CYRIB: variants seen among roughly 807,000 people sequenced by gnomAD.
The protein encoded by CYRIB is CYFIP related Rac1 interactor B, also known as CYFIP-related Rac1 interactor B.
Under a neutral mutation model 44.2 loss-of-function variants are expected in CYRIB, and 8 were observed. The observed-to-expected ratio is 0.18, with a 90% CI of 0.11 to 0.33. The LOEUF is 0.33. Among genes scored for constraint, CYRIB ranks in the 10% least tolerant of loss-of-function variants. The probability of loss-of-function intolerance (pLI) is 1.00; values close to 1 mark genes in which losing one functional copy is unlikely to be tolerated. For synonymous variants in CYRIB, 131 were observed against 127.2 expected (o/e 1.03, Z -0.20); for missense variants, 185 against 382.8 (o/e 0.48, Z 4.31).
At chr8:130,016,718 C>T (rs1244033674), upstream of CYRIB, 3 of 149,148 alleles carry the variant, frequency 2.0e-5, no homozygotes, top group African/African-American at 7.3e-5. Flanking sequence ...CGTCAGCGCG[C>T]GCCGCGCCCC....
intron 5 of CYRIB, among the ~76,000 whole-genome samples, chr8:129,858,562 T>C (rs1564182862): frequency 6.6e-6 from 1 of 152,180 alleles, no homozygotes; most frequent in Non-Finnish European, 1.5e-5. Context: ...CTGCCATCTA[T>C]CTACTCTCAA....
At position 129,865,702 on chromosome 8, in the gene CYRIB, T is replaced by C. The variant is rs371674241; in HGVS notation, c.196-3368A>G. On this transcript the variant is annotated intron_variant, in intron 4 of 11. Transcript: ENST00000519824. ...AGTTCACATAAAAGTTCCAATGCCA[T>C]AGCTCTATAGAAATCAATGGATAGT... 1.8e-4 allele frequency among the ~76,000 whole-genome samples: 27 copies of C among 152,362 alleles called. 1 individual carries two copies. The South Asian group carries it at 5.2e-3, about 29-fold the overall frequency.
chr8:129,935,309 T>C (rs1159290303), intron 1 of CYRIB, among the ~76,000 whole-genome samples: 3 of 152,238 alleles, frequency 2.0e-5, no homozygotes, highest in Non-Finnish European at 4.4e-5. Context: ...CCAATCTTTT[T>C]GGGACCAGGA....
chr8:129,950,031 C>T (rs964463348), intron 2 of CYRIB, among the ~76,000 whole-genome samples: 2 of 152,124 alleles, frequency 1.3e-5, no homozygotes, highest in Non-Finnish European at 2.9e-5. Context: ...ACATAGGAAA[C>T]ATAATCAGTA....
chr8:129,841,004 A>G (rs1342364413), exon 12 of CYRIB: 1 of 152,244 alleles, frequency 6.6e-6, no homozygotes, highest in African/African-American at 2.4e-5. Flanking sequence ...TGTTCCAACC[A>G]TGAGATTTAG....
intron 10 of CYRIB, among the ~76,000 whole-genome samples, 198 bp downstream of exon 12, chr8:129,849,045 T>C (rs1417973507): frequency 1.3e-5 from 2 of 152,188 alleles, no homozygotes; most frequent in Non-Finnish European, 2.9e-5. Context: ...ATAGTCATCC[T>C]TTGATCATTC....
rs1384961135 is a variant in CYRIB at position 129,967,387 on chromosome 8, G to GT, written c.-243+3555dup. Reference sequence around the variant, plus strand: ...TTTTGTTTTGTTTTTTTGTTTTTTTGTTTTTTTTTTGAGATGGAGTCTTGC... The same window carrying GT: ...TTTTGTTTTGTTTTTTTGTTTTTTTGTTTTTTTTTTTGAGATGGAGTCTTGC... On this transcript the variant is annotated intron_variant, in intron 2 of 14. Transcript: ENST00000401979. Among the ~76,000 whole-genome samples the GT allele has an allele frequency of 6.1e-3, 874 of 142,202 alleles. 8 individuals are homozygous for GT. The highest frequency in any genetic ancestry group is 0.017 in the African/African-American group (649 of 37,468). 93.3% of individuals were successfully genotyped at this position (142,202 alleles called of 152,430 possible). A position where few individuals can be genotyped will look rare whatever the true frequency, so the allele number is the denominator to read the frequency against.
rs913419950 is a variant in CYRIB at position 129,894,928 on chromosome 8, T to G, written c.-11+8384A>C. ...AGTGTTAGAAATATATATATATATA[T>G]ATTTTTTTAATTAATTTATTTTTTT... is the stretch of plus-strand genomic sequence containing the variant. On this transcript the variant is annotated intron_variant, in intron 2 of 11. Coordinates refer to ENST00000519824, the Ensembl canonical transcript of CYRIB. Among the ~76,000 whole-genome samples the G allele has an allele frequency of 7.5e-5, 11 of 147,250 alleles. No individual in the cohort carries two copies. The East Asian group carries it at 2.2e-3, about 29-fold the overall frequency.
intron 2 of CYRIB, among the ~76,000 whole-genome samples, chr8:129,956,715 C>T (rs2094856972): frequency 6.6e-6 from 1 of 152,066 alleles, no homozygotes; most frequent in Admixed American, 6.6e-5. Context: ...GCCCAGAAGC[C>T]CTGTTTTTCT....
intron 1 of CYRIB, among the ~76,000 whole-genome samples, chr8:129,990,718 C>T (rs113950341): frequency 0.013 from 1,925 of 151,976 alleles, 42 homozygotes; most frequent in African/African-American, 0.045. Context: ...GAGACAGCGT[C>T]TCACTATGTT....
At chr8:129,919,970 T>C (rs1483330816) in intron 1 of CYRIB, among the ~76,000 whole-genome samples, 3 of 152,170 alleles carry the variant, frequency 2.0e-5, no homozygotes, top group Non-Finnish European at 4.4e-5. Flanking sequence ...TCCCGTTTGC[T>C]ATCCATGTTT....
intron 1 of CYRIB, among the ~76,000 whole-genome samples, chr8:129,982,674 A>T (rs1288494513): frequency 2.0e-5 from 3 of 152,240 alleles, no homozygotes; most frequent in South Asian, 4.1e-4. Context: ...ACGTCAAGAA[A>T]CAGGATTTCT....
intron 2 of CYRIB, among the ~76,000 whole-genome samples, chr8:129,961,671 T>C (rs2095264433): frequency 6.6e-6 from 1 of 152,188 alleles, no homozygotes; most frequent in Non-Finnish European, 1.5e-5. Context: ...AGGCAATCAA[T>C]GGAATATTTC....
chr8:129,867,271 GTGC>G (rs1342832487), intron 4 of CYRIB, among the ~76,000 whole-genome samples: 5 of 149,546 alleles, frequency 3.3e-5, no homozygotes. Context: ...TTACAGGCAT[GTGC>G]CACCACACCT....
chr8:129,935,529 G>A (rs1055409055), intron 1 of CYRIB, among the ~76,000 whole-genome samples: 2 of 152,166 alleles, frequency 1.3e-5, no homozygotes, highest in African/African-American at 2.4e-5. Flanking sequence ...CAGACCTCAG[G>A]GAGTAATGCC....
chr8:129,930,321 A>G (rs1590168554), intron 1 of CYRIB, among the ~76,000 whole-genome samples: 1 of 123,788 alleles, frequency 8.1e-6, no homozygotes, highest in Non-Finnish European at 1.7e-5. Context: ...AATTTCACAA[A>G]AAGTTCCACT....
In CYRIB at chr8:129,978,939, C is replaced by G. The variant is rs567255996; in HGVS notation, c.-295-7944G>C. On this transcript the variant is annotated intron_variant, in intron 1 of 14. Transcript: ENST00000401979. Reference sequence around the variant, plus strand: ...TCACTTGAGGCCAGGAATTCGGGACCAGCCTGGCCAACATAGTGAAACCTC... The same window carrying G: ...TCACTTGAGGCCAGGAATTCGGGACGAGCCTGGCCAACATAGTGAAACCTC... Among the ~76,000 whole-genome samples the G allele has an allele frequency of 2.0e-5, 3 of 152,200 alleles. No homozygotes were observed. In the East Asian group the frequency reaches 5.8e-4, roughly 29 times the overall value.
At chr8:129,991,426 A>C (rs750822909) in intron 1 of CYRIB, among the ~76,000 whole-genome samples, 2 of 152,092 alleles carry the variant, frequency 1.3e-5, no homozygotes, top group Non-Finnish European at 2.9e-5. Context: ...TAATCCATTC[A>C]TGGATTATGG....
At chr8:130,010,034 C>T (rs1246614680) in intron 1 of CYRIB, among the ~76,000 whole-genome samples, 1 of 152,194 alleles carries the variant, frequency 6.6e-6, no homozygotes, top group Non-Finnish European at 1.5e-5. Context: ...CTTTCCCATC[C>T]TTAACTCCTC....
Sources: allele counts gnomAD v4.1 joint callset (sites outside exome capture counted in the v4.1 genomes callset), GRCh38; gene constraint gnomAD v4.1.1; transcripts MANE v1.5; gene names NCBI Gene and HGNC (gene_info 2026-07-23, HGNC 2026-07-21).